Variants in TNS1 observed in about 807,000 individuals in gnomAD.
TNS1 encodes the protein tensin 1, also known as tensin-1.
TNS1 carries 62 observed loss-of-function variants against 168.6 expected under a neutral mutation model. The observed-to-expected ratio is 0.37, with a 90% CI of 0.30 to 0.45. The LOEUF (loss-of-function observed/expected upper bound fraction) is 0.45, where lower values mean the gene tolerates loss of function less well. Among genes scored for constraint, TNS1 ranks in the 20% least tolerant of loss-of-function variants. The probability of loss-of-function intolerance (pLI) is 1.00; values close to 1 mark genes in which losing one functional copy is unlikely to be tolerated. For synonymous variants in TNS1, 934 were observed against 933.2 expected, an observed-to-expected ratio of 1.00 and a Z score of -0.02; for missense variants, 2,240 against 2,339.4, an observed-to-expected ratio of 0.96 and a Z score of 0.88.
chr2:217,845,448 G>A (rs1278694987), intron 19 of TNS1, among the ~76,000 whole-genome samples: 1 of 152,224 alleles, frequency 6.6e-6, no homozygotes, highest in African/African-American at 2.4e-5. Flanking sequence ...TACTAAGGAA[G>A]TTACTCATGC....
intron 12 of TNS1, among the ~76,000 whole-genome samples, chr2:217,889,579 T>C (rs1255327306): frequency 2.0e-5 from 3 of 152,326 alleles, no homozygotes; most frequent in East Asian, 1.9e-4. Flanking sequence ...ATGTTACACG[T>C]CACCTTCTCA....
chr2:217,949,841 G>T (rs1957199217), intron 3 of TNS1, among the ~76,000 whole-genome samples: 2 of 152,146 alleles, frequency 1.3e-5, no homozygotes, highest in African/African-American at 4.8e-5. Context: ...AATTAGCAAG[G>T]GAACATTTTT....
chr2:218,017,430 G>A (rs541820721), intron 1 of TNS1, among the ~76,000 whole-genome samples: 131 of 152,346 alleles, frequency 8.6e-4, no homozygotes, highest in Non-Finnish European at 1.5e-3. Flanking sequence ...TAAGCCTGGG[G>A]CACTGCCCCT....
intron 1 of TNS1, among the ~76,000 whole-genome samples, chr2:218,001,130 G>A (rs1958555256): frequency 6.6e-6 from 1 of 151,896 alleles, no homozygotes; most frequent in South Asian, 2.1e-4. Context: ...TCCAGCCTGG[G>A]TGACAGAGTG....
intron 18 of TNS1, among the ~76,000 whole-genome samples, chr2:217,860,843 C>T (rs1339174298): frequency 6.6e-6 from 1 of 152,204 alleles, no homozygotes; most frequent in Non-Finnish European, 1.5e-5. Flanking sequence ...GGAACCTGAA[C>T]CTTACTTTGG....
At chr2:217,888,233 A>G (rs78787052) in intron 12 of TNS1, among the ~76,000 whole-genome samples, 2,128 of 152,292 alleles carry the variant, frequency 0.014, 34 homozygotes, top group African/African-American at 0.048. Context: ...ATGAGTCCGG[A>G]GGCGGGTGAC....
chr2:217,971,880 C>T (rs1385938797), intron 3 of TNS1, among the ~76,000 whole-genome samples: 1 of 152,104 alleles, frequency 6.6e-6, no homozygotes, highest in East Asian at 1.9e-4. Context: ...AAGCGAAAGA[C>T]ATATCATATT....
intron 32 of TNS1, among the ~76,000 whole-genome samples, chr2:217,805,542 ACCAC>A (rs1403330764): frequency 0.018 from 24 of 1,354 alleles, no homozygotes; most frequent in South Asian, 0.053. Flanking sequence ...CACCACACAC[ACCAC>A]CACACACCAC....
intron 18 of TNS1, among the ~76,000 whole-genome samples, chr2:217,864,506 A>T (rs936366325): frequency 2.6e-5 from 4 of 152,218 alleles, no homozygotes; most frequent in Admixed American, 2.0e-4. Flanking sequence ...CTTCCCAGAA[A>T]GGAAGGAGAA....
At chr2:217,817,586 G>A (rs1942089492) in intron 24 of TNS1, 104 bp downstream of exon 24, 2 of 964,238 alleles carry the variant, frequency 2.1e-6, no homozygotes, top group Non-Finnish European at 3.0e-6. Context: ...TTCACCCAGG[G>A]TCGTCTGCCA....
In TNS1 at chr2:217,804,506, C is replaced by T. The variant is rs1487771568; in HGVS notation, c.5473G>A (p.Val1825Ile). Residue 1825 changes from valine (V) to isoleucine (I), a missense_variant, in exon 33 of 33, where the codon GTC becomes ATC. Physicochemically the swap from Val to Ile is conservative, Grantham distance 29. This residue lies in a region of TNS1 where 109 missense variants were observed against 168.1 expected (regional missense o/e 0.65). Coordinates refer to ENST00000682258, the MANE Select transcript of TNS1 (RefSeq NM_001387777.1). ...AGCATGACCTTGGAGACGAAGTTGA[C>T]GATGGCAGAGGCCGGCTGGTTGGGG... is the stretch of plus-strand genomic sequence containing the variant. Reference protein sequence around the residue: ...LDPNQPASAIVNFVSKVMLNA... With the variant: ...LDPNQPASAIINFVSKVMLNA... 3.1e-6 allele frequency: 5 copies of T among 1,613,978 alleles called. No homozygotes were observed. Among genetic ancestry groups the T allele is most frequent in the East Asian group, 2.2e-5 (1 of 44,876 alleles).
chr2:217,821,696 G>C (rs1482070617), intron 23 of TNS1, 44 bp downstream of exon 23: 23 of 1,406,352 alleles, frequency 1.6e-5, no homozygotes, highest in Non-Finnish European at 2.0e-5. Flanking sequence ...CCCAGTCCCA[G>C]GCCCGGATTC....
At position 217,984,462 on chromosome 2, in the gene TNS1, A is replaced by G. The variant is rs139640550; in HGVS notation, c.149-5660T>C. ...AGGGGGGCACATAAGATGGTTTCTT[A>G]TATGCACCCAACTCTTTCTTTCTTA... On this transcript the variant is annotated intron_variant, in intron 2 of 32. Transcript: ENST00000682258. Among the ~76,000 whole-genome samples the G allele has an allele frequency of 1.1e-4, 16 of 151,702 alleles. No homozygotes were observed. The East Asian group carries it at 2.7e-3, about 26-fold the overall frequency.
At chr2:217,931,696 A>C (rs1956331338) in intron 3 of TNS1, among the ~76,000 whole-genome samples, 2 of 152,218 alleles carry the variant, frequency 1.3e-5, no homozygotes, top group Non-Finnish European at 2.9e-5. Flanking sequence ...AATTTCAAGG[A>C]TGCTGTTGAT....
At chr2:217,825,888 C>T (rs1943547900) in intron 22 of TNS1, among the ~76,000 whole-genome samples, 2 of 152,196 alleles carry the variant, frequency 1.3e-5, no homozygotes, top group South Asian at 4.1e-4. Context: ...TGCAGAACAC[C>T]AGAGGAGTTC....
chr2:217,840,266 C>T (rs1237563555), intron 19 of TNS1, among the ~76,000 whole-genome samples: 1 of 152,188 alleles, frequency 6.6e-6, no homozygotes, highest in African/African-American at 2.4e-5. Flanking sequence ...GTCAGAGGAG[C>T]AGGGGAAGGA....
At chr2:217,873,501 TC>T (rs1949951733) in intron 18 of TNS1, among the ~76,000 whole-genome samples, 1 of 152,170 alleles carries the variant, frequency 6.6e-6, no homozygotes, top group African/African-American at 2.4e-5. Context: ...ACTGGCCACC[TC>T]AACCCGGGTC....
At chr2:217,941,441 G>C (rs148789570) in intron 3 of TNS1, among the ~76,000 whole-genome samples, 1 of 152,210 alleles carries the variant, frequency 6.6e-6, no homozygotes, top group East Asian at 1.9e-4. Flanking sequence ...AGCTGGGTGC[G>C]GACCTGGTAG....
chr2:217,822,745 G>A (rs1267074843), intron 22 of TNS1, among the ~76,000 whole-genome samples: 2 of 152,178 alleles, frequency 1.3e-5, no homozygotes, highest in Non-Finnish European at 2.9e-5. Context: ...GGATGCTGAG[G>A]CCCGACAAGG....
Sources: allele counts gnomAD v4.1 joint callset (sites outside exome capture counted in the v4.1 genomes callset), GRCh38; gene constraint gnomAD v4.1.1; regional missense constraint gnomAD v4.1.1; transcripts MANE v1.5; gene names NCBI Gene and HGNC (gene_info 2026-07-23, HGNC 2026-07-21).